The following NALCN variants were observed in gnomAD, a reference collection of about 807,000 sequenced individuals.
NALCN encodes sodium leak channel, non-selective, also known as sodium leak channel NALCN.
NALCN carries 111 observed loss-of-function variants against 225.3 expected under a neutral mutation model. The ratio of observed to expected loss-of-function variants is 0.49; its 90% CI spans 0.42 to 0.58. NALCN has a LOEUF of 0.58. Ranked by LOEUF, NALCN falls within the 20% of genes least tolerant of loss-of-function variation. The pLI, the probability that NALCN is intolerant of heterozygous loss-of-function variation, is 0.00. For missense variants in NALCN, 1,378 were observed against 2,202.4 expected (o/e 0.63, Z 7.49); for synonymous variants, 764 against 769.0 (o/e 0.99, Z 0.11).
intron 7 of NALCN, among the ~76,000 whole-genome samples, chr13:101,325,177 T>A (rs1291745869): frequency 6.6e-6 from 1 of 152,166 alleles, no homozygotes; most frequent in Non-Finnish European, 1.5e-5. Flanking sequence ...ATACTACAGA[T>A]AAAGTAACAA....
At chr13:101,396,527 A>T (rs1036680113) in intron 2 of NALCN, among the ~76,000 whole-genome samples, 5 of 152,164 alleles carry the variant, frequency 3.3e-5, no homozygotes, top group Non-Finnish European at 7.4e-5. Context: ...GGAGACTCAG[A>T]CACTTGCAGC....
chr13:101,406,367 A>C (rs1213694104), intron 1 of NALCN, among the ~76,000 whole-genome samples: 1 of 152,108 alleles, frequency 6.6e-6, no homozygotes, highest in African/African-American at 2.4e-5. Flanking sequence ...ATGTCATTCC[A>C]TTTTCACAAG....
chr13:101,393,004 A>T (rs1254850437), intron 3 of NALCN, among the ~76,000 whole-genome samples: 1 of 152,238 alleles, frequency 6.6e-6, no homozygotes. Flanking sequence ...TGTATGACAT[A>T]AAATGCAGAC....
At chr13:101,166,702 T>C (rs1049849674) in intron 15 of NALCN, among the ~76,000 whole-genome samples, 4 of 152,222 alleles carry the variant, frequency 2.6e-5, no homozygotes, top group Non-Finnish European at 5.9e-5. Context: ...ACTCTATTGA[T>C]TGTTTCCTTT....
At chr13:101,153,086 T>G (rs917512934) in intron 15 of NALCN, among the ~76,000 whole-genome samples, 4 of 152,088 alleles carry the variant, frequency 2.6e-5, no homozygotes, top group Non-Finnish European at 5.9e-5. Context: ...ACATCAGAGA[T>G]AGCATAAGTA....
At chr13:101,314,007 T>C (rs949579641) in intron 7 of NALCN, among the ~76,000 whole-genome samples, 14 of 151,872 alleles carry the variant, frequency 9.2e-5, no homozygotes, top group Non-Finnish European at 1.8e-4. Flanking sequence ...TCATGTCCTT[T>C]GTAGGGACAT....
intron 11 of NALCN, among the ~76,000 whole-genome samples, chr13:101,254,082 A>C (rs1746104296): frequency 6.6e-6 from 1 of 152,114 alleles, no homozygotes; most frequent in Non-Finnish European, 1.5e-5. Flanking sequence ...AACACACAAA[A>C]TCAAAAACAG....
chr13:101,400,769 C>T (rs1208184109), intron 1 of NALCN, among the ~76,000 whole-genome samples: 1 of 152,032 alleles, frequency 6.6e-6, no homozygotes, highest in African/African-American at 2.4e-5. Context: ...GCTGTGTCCT[C>T]CCACCCCCCA....
intron 10 of NALCN, among the ~76,000 whole-genome samples, chr13:101,265,429 C>T (rs961468711): frequency 2.0e-5 from 3 of 152,080 alleles, no homozygotes; most frequent in Non-Finnish European, 4.4e-5. Context: ...GGGACTGAGT[C>T]CAACCTCAAG....
At chr13:101,093,070 C>A (rs1594188215) in intron 28 of NALCN, among the ~76,000 whole-genome samples, 1 of 152,056 alleles carries the variant, frequency 6.6e-6, no homozygotes, top group Non-Finnish European at 1.5e-5. Flanking sequence ...AGCCTGAATA[C>A]TTTGTTAGTT....
chr13:101,120,196 A>G (rs752771839), intron 18 of NALCN, among the ~76,000 whole-genome samples: 2 of 152,138 alleles, frequency 1.3e-5, no homozygotes, highest in African/African-American at 2.4e-5. Flanking sequence ...TTCAAATGGA[A>G]GATGGATATT....
chr13:101,277,112 T>C (rs1168888272), intron 10 of NALCN, among the ~76,000 whole-genome samples: 1 of 152,020 alleles, frequency 6.6e-6, no homozygotes, highest in Non-Finnish European at 1.5e-5. Flanking sequence ...CGTAAAAAAC[T>C]CAGCATCACA....
chr13:101,406,543 G>A (rs1020503409), intron 1 of NALCN, among the ~76,000 whole-genome samples: 1 of 151,998 alleles, frequency 6.6e-6, no homozygotes, highest in East Asian at 1.9e-4. Context: ...CAAACTCTTG[G>A]CATCAATTAT....
At chr13:101,319,890 A>T (rs1259401654) in intron 7 of NALCN, among the ~76,000 whole-genome samples, 2 of 152,244 alleles carry the variant, frequency 1.3e-5, no homozygotes, top group South Asian at 2.1e-4. Flanking sequence ...TTAAAAAAAT[A>T]GCTATTCTAT....
intron 9 of NALCN, among the ~76,000 whole-genome samples, chr13:101,288,888 A>C (rs2043441209): frequency 6.6e-6 from 1 of 152,192 alleles, no homozygotes; most frequent in Admixed American, 6.5e-5. Flanking sequence ...GGATAAGCTC[A>C]TCTCCATCAT....
chr13:101,250,038 C>T (rs892794494), intron 11 of NALCN, among the ~76,000 whole-genome samples: 1 of 151,980 alleles, frequency 6.6e-6, no homozygotes. Context: ...AAGTTGCTGG[C>T]TATGAATTAG....
intron 13 of NALCN, among the ~76,000 whole-genome samples, chr13:101,208,834 G>A (rs1011031325): frequency 3.3e-5 from 5 of 152,168 alleles, no homozygotes; most frequent in Non-Finnish European, 5.9e-5. Context: ...TGCCATGACT[G>A]GAAGCTTGCT....
intron 18 of NALCN, among the ~76,000 whole-genome samples, chr13:101,113,607 C>A (rs2035556599): frequency 6.6e-6 from 1 of 152,062 alleles, no homozygotes; most frequent in South Asian, 2.1e-4. Flanking sequence ...AAAGGGAATA[C>A]AATGTTACTA....
At chr13:101,061,615 A>C (rs1314937655) in intron 41 of NALCN, among the ~76,000 whole-genome samples, 1 of 152,150 alleles carries the variant, frequency 6.6e-6, no homozygotes, top group African/African-American at 2.4e-5. Flanking sequence ...CCTGGCCTCA[A>C]GTGAGTTGAG....
Sources: allele counts gnomAD v4.1 joint callset (sites outside exome capture counted in the v4.1 genomes callset), GRCh38; gene constraint gnomAD v4.1.1; transcripts MANE v1.5; gene names NCBI Gene and HGNC (gene_info 2026-07-23, HGNC 2026-07-21).